Variants in FBXL17 observed in about 807,000 individuals in gnomAD.
FBXL17 encodes the protein F-box and leucine rich repeat protein 17, also known as F-box/LRR-repeat protein 17.
A neutral mutation model predicts 66.2 loss-of-function variants in FBXL17; 22 were observed. The ratio of observed to expected loss-of-function variants is 0.33; its 90% CI spans 0.24 to 0.47. The LOEUF is 0.47. FBXL17 is among the 20% of genes least tolerant of loss of function. FBXL17 has a pLI of 1.00. For missense variants in FBXL17, 878 were observed against 948.2 expected (o/e 0.93, Z 0.97); for synonymous variants, 474 against 400.5 (o/e 1.18, Z -2.19).
chr5:108,066,770 T>C (rs1685430732), intron 6 of FBXL17, among the ~76,000 whole-genome samples: 2 of 151,968 alleles, frequency 1.3e-5, no homozygotes, highest in Admixed American at 1.3e-4. Flanking sequence ...TTATAATGTT[T>C]ACCTGAAATG....
At chr5:107,928,646 G>A (rs532545532) in intron 7 of FBXL17, among the ~76,000 whole-genome samples, 1 of 151,974 alleles carries the variant, frequency 6.6e-6, no homozygotes, top group Non-Finnish European at 1.5e-5. Context: ...ATTCATTTTT[G>A]GGGGGAAGGA....
At chr5:108,151,484 G>A (rs1751770170) in intron 6 of FBXL17, among the ~76,000 whole-genome samples, 1 of 152,136 alleles carries the variant, frequency 6.6e-6, no homozygotes, top group African/African-American at 2.4e-5. Context: ...CAGCTCTAAT[G>A]AAGCAAACTA....
At chr5:108,041,853 C>T (rs1355741865) in intron 6 of FBXL17, among the ~76,000 whole-genome samples, 2 of 152,174 alleles carry the variant, frequency 1.3e-5, no homozygotes, top group East Asian at 1.9e-4. Context: ...CTACCGCTAA[C>T]GTTTTACTAT....
intron 7 of FBXL17, among the ~76,000 whole-genome samples, chr5:107,927,157 T>G (rs1333061003): frequency 6.6e-6 from 1 of 152,174 alleles, no homozygotes; most frequent in Admixed American, 6.6e-5. Context: ...TCAATTTCTC[T>G]TAAATATTTA....
intron 7 of FBXL17, among the ~76,000 whole-genome samples, chr5:107,982,865 C>T (rs535793859): frequency 6.6e-6 from 1 of 152,240 alleles, no homozygotes; most frequent in African/African-American, 2.4e-5. Flanking sequence ...GAGTGGTTTC[C>T]ATGTTTCCTG....
Position 107,859,388 on chromosome 5 carries a change from CTGTTT to C in FBXL17, c.*2327_*2331del, listed in dbSNP as rs1260424323. 4.4e-5 allele frequency: 3 copies of C among 68,460 alleles called. No individual in the cohort carries two copies. The highest frequency in any genetic ancestry group is 9.1e-5 in the Non-Finnish European group (3 of 33,100). 4.2% of individuals were successfully genotyped at this position (68,460 alleles called of 1,614,324 possible). ...CACTCAAGGTGATGCTTTTTTCTGG[CTGTTT>C]TTTTTTTTTTTTTTTTTTTTTTTTG... On this transcript the variant is annotated 3_prime_UTR_variant, in exon 9 of 9. Coordinates refer to ENST00000542267, the MANE Select transcript of FBXL17 (RefSeq NM_001163315.3).
intron 5 of FBXL17, among the ~76,000 whole-genome samples, chr5:108,217,972 T>C (rs576592705): frequency 3.6e-4 from 55 of 152,110 alleles, no homozygotes; most frequent in Non-Finnish European, 4.7e-4. Context: ...TAAGGCTGAA[T>C]AGTATTCCAT....
intron 6 of FBXL17, among the ~76,000 whole-genome samples, chr5:108,046,722 C>T (rs1747267128): frequency 6.6e-6 from 1 of 152,130 alleles, no homozygotes; most frequent in Admixed American, 6.5e-5. Flanking sequence ...CTTTGCATCC[C>T]TTTACTCCCC....
At chr5:108,351,855 G>A (rs1292774962) in intron 3 of FBXL17, among the ~76,000 whole-genome samples, 1 of 152,222 alleles carries the variant, frequency 6.6e-6, no homozygotes, top group Admixed American at 6.5e-5. Context: ...TTTTGGTGAA[G>A]TCTTAGACAT....
At chr5:108,164,120 T>C (rs1752323349) in intron 6 of FBXL17, among the ~76,000 whole-genome samples, 1 of 152,210 alleles carries the variant, frequency 6.6e-6, no homozygotes, top group East Asian at 1.9e-4. Context: ...AAAATAGTTC[T>C]TAAGCCAAAG....
chr5:108,316,527 A>G (rs527767994), intron 4 of FBXL17, among the ~76,000 whole-genome samples: 1 of 151,556 alleles, frequency 6.6e-6, no homozygotes, highest in South Asian at 2.1e-4. Flanking sequence ...TATAAATAAT[A>G]GCTATCTTCA....
chr5:107,991,490 T>C (rs1469033325), intron 7 of FBXL17, among the ~76,000 whole-genome samples: 2 of 152,260 alleles, frequency 1.3e-5, no homozygotes, highest in African/African-American at 4.8e-5. Flanking sequence ...ATTTCTCTAC[T>C]GCTTTCACTC....
intron 6 of FBXL17, among the ~76,000 whole-genome samples, chr5:108,024,436 T>C (rs565111824): frequency 6.6e-6 from 1 of 152,284 alleles, no homozygotes; most frequent in African/African-American, 2.4e-5. Context: ...CGTACATTTT[T>C]TGGAGCCCTA....
chr5:108,060,561 T>C (rs955898386), intron 6 of FBXL17, among the ~76,000 whole-genome samples: 2 of 152,196 alleles, frequency 1.3e-5, no homozygotes, highest in Non-Finnish European at 2.9e-5. Context: ...ATTGTCTAGT[T>C]ACACTTCTGA....
chr5:108,287,323 A>T (rs981988627), intron 4 of FBXL17, among the ~76,000 whole-genome samples: 3 of 152,120 alleles, frequency 2.0e-5, no homozygotes, highest in Non-Finnish European at 4.4e-5. Flanking sequence ...GACAGAGTAA[A>T]CAGACAGTCT....
intron 4 of FBXL17, among the ~76,000 whole-genome samples, chr5:108,279,262 T>C (rs936187494): frequency 5.3e-5 from 8 of 152,236 alleles, no homozygotes; most frequent in Admixed American, 1.3e-4. Flanking sequence ...CTGGAATCAC[T>C]AACACAGTTG....
chr5:108,261,124 G>A (rs80059013), intron 4 of FBXL17, among the ~76,000 whole-genome samples: 6,527 of 152,034 alleles, frequency 0.043, 766 homozygotes, highest in East Asian at 0.39. Flanking sequence ...ATAAATTGTT[G>A]ATTTAGAAAA....
At chr5:108,306,398 G>A (rs1289777447) in intron 4 of FBXL17, among the ~76,000 whole-genome samples, 1 of 152,044 alleles carries the variant, frequency 6.6e-6, no homozygotes, top group East Asian at 1.9e-4. Flanking sequence ...TACACAGATA[G>A]TAGTAGTTAA....
chr5:108,376,436 G>C (rs1464977614), intron 1 of FBXL17, among the ~76,000 whole-genome samples: 1 of 152,112 alleles, frequency 6.6e-6, no homozygotes, highest in Non-Finnish European at 1.5e-5. Flanking sequence ...TTATATACTA[G>C]CAATGAATCA....
Sources: allele counts gnomAD v4.1 joint callset (sites outside exome capture counted in the v4.1 genomes callset), GRCh38; gene constraint gnomAD v4.1.1; transcripts MANE v1.5; gene names NCBI Gene and HGNC (gene_info 2026-07-23, HGNC 2026-07-21).